The following SCML4 variants were observed in gnomAD, a reference collection of about 807,000 sequenced individuals.
The protein encoded by SCML4 is Scm polycomb group protein like 4, also known as sex comb on midleg-like protein 4.
A neutral mutation model predicts 41.1 loss-of-function variants in SCML4; 34 were observed. That is an observed-to-expected ratio of 0.83 (90% CI 0.63 to 1.10). The LOEUF is 1.10. Ranked by LOEUF, SCML4 falls within the 50% of genes least tolerant of loss-of-function variation. The probability of loss-of-function intolerance (pLI) is 0.00; values close to 1 mark genes in which losing one functional copy is unlikely to be tolerated. For missense variants in SCML4, 522 were observed against 534.1 expected, an observed-to-expected ratio of 0.98 and a Z score of 0.22; for synonymous variants, 214 against 220.9, an observed-to-expected ratio of 0.97 and a Z score of 0.28.
upstream of SCML4, among the ~76,000 whole-genome samples, chr6:107,829,083 T>C (rs903248536): frequency 2.6e-5 from 4 of 152,302 alleles, no homozygotes; most frequent in African/African-American, 9.6e-5. Flanking sequence ...GAAAAAAAAC[T>C]AATGATTTAC....
rs150126200 is a variant in SCML4 at position 107,810,890 on chromosome 6, C to A, written c.-60+13236G>T. Among the ~76,000 whole-genome samples, 398 of 152,244 alleles carry A rather than the reference C, an allele frequency of 2.6e-3. 2 individuals carry two copies. The highest frequency in any genetic ancestry group is 2.7e-3 in the Non-Finnish European group (182 of 68,022). The stretch of plus-strand genomic sequence containing the variant: ...TCCAGGGCTCAAGCAATCATCCCAC[C>A]TCATCCTCCCGAAGTGCTGGGATTA... On this transcript the variant is annotated intron_variant, in intron 1 of 7. Transcript: ENST00000369020.
At chr6:107,821,741 C>T (rs1784959409) in intron 1 of SCML4, among the ~76,000 whole-genome samples, 1 of 152,182 alleles carries the variant, frequency 6.6e-6, no homozygotes, top group Non-Finnish European at 1.5e-5. Context: ...GGCATCTACC[C>T]ATGTGATATT....
chr6:107,733,450 G>A (rs987092554), intron 5 of SCML4, among the ~76,000 whole-genome samples: 3 of 152,174 alleles, frequency 2.0e-5, no homozygotes, highest in Admixed American at 2.0e-4. Flanking sequence ...AACACAGAAA[G>A]CACCACTATT....
chr6:107,753,562 T>C (rs930554468), intron 2 of SCML4, among the ~76,000 whole-genome samples: 2 of 152,232 alleles, frequency 1.3e-5, no homozygotes, highest in Admixed American at 1.3e-4. Flanking sequence ...AATGTGAATA[T>C]ACTTAACACT....
chr6:107,845,522 G>A, the SCML4 span, among the ~76,000 whole-genome samples: 2 of 152,184 alleles, frequency 1.3e-5, no homozygotes, highest in African/African-American at 2.4e-5. Flanking sequence ...CTTTTCAAAC[G>A]AATGGAGGAA....
chr6:107,726,669 C>A (rs950815077), intron 5 of SCML4, among the ~76,000 whole-genome samples: 4 of 151,898 alleles, frequency 2.6e-5, no homozygotes, highest in African/African-American at 9.7e-5. Context: ...AAAGCTGATC[C>A]ACATCATGAG....
intron 1 of SCML4, among the ~76,000 whole-genome samples, chr6:107,793,462 A>G (rs1404535768): frequency 6.6e-6 from 1 of 152,254 alleles, no homozygotes; most frequent in Non-Finnish European, 1.5e-5. Context: ...GAACACCTGC[A>G]GAACAGGACC....
intron 3 of SCML4, among the ~76,000 whole-genome samples, chr6:107,747,159 G>A (rs909066437): frequency 2.6e-5 from 4 of 152,200 alleles, no homozygotes; most frequent in African/African-American, 7.2e-5. Flanking sequence ...ACTGAAATCT[G>A]AATTAAAGAC....
At chr6:107,736,558 C>CCAA (rs529645392) in intron 5 of SCML4, among the ~76,000 whole-genome samples, 19 of 152,302 alleles carry the variant, frequency 1.2e-4, no homozygotes, top group South Asian at 1.2e-3. Context: ...CGCTGCATTA[C>CCAA]CAACAGGGGA....
the SCML4 span, among the ~76,000 whole-genome samples, chr6:107,844,939 A>T: frequency 6.6e-5 from 2 of 30,472 alleles, no homozygotes; most frequent in African/African-American, 1.2e-4. Flanking sequence ...GTATATTAAA[A>T]AAAAAAAAAA....
chr6:107,761,694 C>G (rs965597349), intron 2 of SCML4, among the ~76,000 whole-genome samples: 7 of 152,024 alleles, frequency 4.6e-5, no homozygotes, highest in African/African-American at 1.7e-4. Context: ...GCCTTGGCCT[C>G]CCAAAGTGCT....
chr6:107,803,384 TCAGCCCC>T (rs1483592970), intron 1 of SCML4, among the ~76,000 whole-genome samples: 1,668 of 145,702 alleles, frequency 0.011, 33 homozygotes, highest in African/African-American at 0.042. Context: ...GAGGTGGGGG[TCAGCCCC>T]TCGCCCGGCC....
chr6:107,837,795 C>A, the SCML4 span, among the ~76,000 whole-genome samples: 1 of 152,160 alleles, frequency 6.6e-6, no homozygotes, highest in Non-Finnish European at 1.5e-5. Context: ...AATTACCCCT[C>A]CAGTTGCAAC....
chr6:107,755,600 G>A, intron 2 of SCML4: 1 of 1,347,130 alleles, frequency 7.4e-7, no homozygotes, highest in Non-Finnish European at 9.9e-7. Flanking sequence ...GGGGTTCTCT[G>A]CCTGTCGCAA....
At chr6:107,804,629 T>C (rs903677244) in intron 1 of SCML4, among the ~76,000 whole-genome samples, 1 of 19,398 alleles carries the variant, frequency 5.2e-5, no homozygotes, top group Non-Finnish European at 2.3e-3. Context: ...AAACATCTTC[T>C]CCTAGCAGCA....
intron 2 of SCML4, among the ~76,000 whole-genome samples, chr6:107,767,037 G>A (rs925537659): frequency 5.4e-5 from 8 of 148,268 alleles, no homozygotes; most frequent in Middle Eastern, 3.6e-3. Context: ...TGCAACCTCC[G>A]ACTCCCTGGT....
At chr6:107,719,314 A>T (rs1283335513) in intron 6 of SCML4, 1 of 152,438 alleles carries the variant, frequency 6.6e-6, no homozygotes, top group Non-Finnish European at 1.5e-5. Context: ...ATCCTTGGCC[A>T]GGGGAAGCTG....
chr6:107,812,070 A>T (rs1281708259), intron 1 of SCML4, among the ~76,000 whole-genome samples: 1 of 152,208 alleles, frequency 6.6e-6, no homozygotes, highest in African/African-American at 2.4e-5. Flanking sequence ...AGGGAGGCTT[A>T]ACTGCAGATC....
intron 5 of SCML4, among the ~76,000 whole-genome samples, chr6:107,741,730 G>A (rs368217098): frequency 1.3e-5 from 2 of 152,192 alleles, no homozygotes; most frequent in East Asian, 3.8e-4. Context: ...CTAGAGCTAA[G>A]GCAAACCTGG....
Sources: allele counts gnomAD v4.1 joint callset (sites outside exome capture counted in the v4.1 genomes callset), GRCh38; gene constraint gnomAD v4.1.1; transcripts MANE v1.5; gene names NCBI Gene and HGNC (gene_info 2026-07-23, HGNC 2026-07-21).